TESK2: variants seen among roughly 807,000 people sequenced by gnomAD.
TESK2 encodes the protein dual specificity testis-specific protein kinase 2.
Under a neutral mutation model 57.1 loss-of-function variants are expected in TESK2, and 39 were observed. The ratio of observed to expected loss-of-function variants is 0.68; its 90% confidence interval spans 0.53 to 0.89. TESK2 has a LOEUF of 0.89. TESK2 is among the 40% of genes least tolerant of loss of function. The pLI is 0.00. For missense variants in TESK2, 646 were observed against 732.1 expected, an observed-to-expected ratio of 0.88 and a Z score of 1.36; for synonymous variants, 249 against 267.9, an observed-to-expected ratio of 0.93 and a Z score of 0.69.
chr1:45,441,593 C>A (rs1336825374), intron 2 of TESK2, among the ~76,000 whole-genome samples: 1 of 151,220 alleles, frequency 6.6e-6, no homozygotes, highest in African/African-American at 2.4e-5. Flanking sequence ...CAAGCATGAA[C>A]CACTGCACCC....
At chr1:45,489,230 TTTCTTTGGCTCC>T (rs1653613969) in intron 1 of TESK2, among the ~76,000 whole-genome samples, 1 of 152,146 alleles carries the variant, frequency 6.6e-6, no homozygotes, top group African/African-American at 2.4e-5. Context: ...CTTGAAATCC[TTTCTTTGGCTCC>T]TATTATAATG....
At chr1:45,442,362 A>G (rs960269887) in intron 2 of TESK2, among the ~76,000 whole-genome samples, 3 of 152,100 alleles carry the variant, frequency 2.0e-5, no homozygotes, top group Admixed American at 2.0e-4. Context: ...TAGTTTTCAC[A>G]ATACATACCA....
At chr1:45,425,907 G>A (rs1374924721) in intron 2 of TESK2, among the ~76,000 whole-genome samples, 2 of 152,092 alleles carry the variant, frequency 1.3e-5, no homozygotes, top group African/African-American at 4.8e-5. Context: ...CACTTTGGGA[G>A]GCCGAGGTGG....
At chr1:45,455,461 G>A (rs1391117636) in intron 2 of TESK2, among the ~76,000 whole-genome samples, 1 of 152,198 alleles carries the variant, frequency 6.6e-6, no homozygotes, top group Non-Finnish European at 1.5e-5. Context: ...TCTTACGGGA[G>A]ATGAATTTGA....
intron 3 of TESK2, among the ~76,000 whole-genome samples, chr1:45,406,645 G>C (rs1426504272): frequency 6.6e-6 from 1 of 151,998 alleles, no homozygotes; most frequent in Non-Finnish European, 1.5e-5. Flanking sequence ...GACAGAGCAA[G>C]GCTCTGTCTA....
intron 4 of TESK2, among the ~76,000 whole-genome samples, chr1:45,357,602 G>A (rs1398579135): frequency 2.0e-5 from 3 of 151,548 alleles, no homozygotes; most frequent in African/African-American, 7.3e-5. Context: ...GGCTGGGCAC[G>A]GTAGGAGGCC....
intron 1 of TESK2, among the ~76,000 whole-genome samples, chr1:45,481,542 T>A (rs894425712): frequency 6.6e-6 from 1 of 152,104 alleles, no homozygotes; most frequent in Admixed American, 6.6e-5. Context: ...CATAGCACAC[T>A]ATGGCCTCAA....
chr1:45,362,818 G>A (rs1409527923), intron 4 of TESK2, among the ~76,000 whole-genome samples: 2 of 151,944 alleles, frequency 1.3e-5, no homozygotes, highest in African/African-American at 2.4e-5. Context: ...GATAAATGGG[G>A]CCAGTCTCTG....
At chr1:45,390,777 A>G (rs907290055) in intron 3 of TESK2, among the ~76,000 whole-genome samples, 6 of 150,286 alleles carry the variant, frequency 4.0e-5, no homozygotes, top group Admixed American at 6.6e-5. Flanking sequence ...TATTGTTATT[A>G]TTATTATTAT....
chr1:45,445,624 CAAAAAAAA>C (rs747691865), intron 2 of TESK2, among the ~76,000 whole-genome samples: 1 of 108,098 alleles, frequency 9.3e-6, no homozygotes. Flanking sequence ...CTGTCTCTAC[CAAAAAAAA>C]AAAAAAAAAA....
chr1:45,348,316 C>T (rs1417218697), intron 5 of TESK2, among the ~76,000 whole-genome samples: 1 of 152,208 alleles, frequency 6.6e-6, no homozygotes, highest in Non-Finnish European at 1.5e-5. Flanking sequence ...AAACCCTTGT[C>T]CTCTTGGAGC....
chr1:45,451,603 G>C (rs551935392), intron 2 of TESK2, among the ~76,000 whole-genome samples: 1 of 152,164 alleles, frequency 6.6e-6, no homozygotes, highest in Non-Finnish European at 1.5e-5. Flanking sequence ...TCCTCAAAGC[G>C]CATGGACTGT....
At chr1:45,424,102 G>A (rs1181705707) in intron 2 of TESK2, among the ~76,000 whole-genome samples, 5 of 152,104 alleles carry the variant, frequency 3.3e-5, no homozygotes, top group Non-Finnish European at 5.9e-5. Flanking sequence ...ATCATCCTAC[G>A]GACTTCAGGA....
intron 1 of TESK2, among the ~76,000 whole-genome samples, chr1:45,465,428 G>T (rs1652506396): frequency 6.8e-6 from 1 of 147,924 alleles, no homozygotes; most frequent in Non-Finnish European, 1.5e-5. Context: ...GAGAGAGAGA[G>T]AGAGAGAGAA....
chr1:45,347,779 G>A, intron 6 of TESK2, 86 bp from the exon 7 acceptor site: 1 of 1,500,970 alleles, frequency 6.7e-7, no homozygotes, highest in Non-Finnish European at 9.3e-7. Flanking sequence ...TCAAGGATGG[G>A]TACAGACGAG....
chr1:45,359,306 T>C (rs551019701), intron 4 of TESK2, among the ~76,000 whole-genome samples: 1 of 152,342 alleles, frequency 6.6e-6, no homozygotes, highest in South Asian at 2.1e-4. Flanking sequence ...ACGCCTGTAA[T>C]CTCAGCACTT....
intron 2 of TESK2, among the ~76,000 whole-genome samples, chr1:45,423,491 G>T (rs1391045296): frequency 6.6e-6 from 1 of 151,654 alleles, no homozygotes; most frequent in Non-Finnish European, 1.5e-5. Flanking sequence ...TGGGAGGCGG[G>T]GCCCGCAGTG....
At chr1:45,371,612 C>T (rs530247749) in intron 4 of TESK2, among the ~76,000 whole-genome samples, 1 of 152,278 alleles carries the variant, frequency 6.6e-6, no homozygotes, top group African/African-American at 2.4e-5. Context: ...CCTGTAATCC[C>T]AGCACTTTAG....
intron 5 of TESK2, among the ~76,000 whole-genome samples, chr1:45,348,221 A>G (rs1647175043): frequency 6.6e-6 from 1 of 152,168 alleles, no homozygotes; most frequent in Non-Finnish European, 1.5e-5. Flanking sequence ...GATACACTTC[A>G]CATTCCAAAC....
Sources: allele counts gnomAD v4.1 joint callset (sites outside exome capture counted in the v4.1 genomes callset), GRCh38; gene constraint gnomAD v4.1.1; transcripts MANE v1.5; gene names NCBI Gene and HGNC (gene_info 2026-07-23, HGNC 2026-07-21).